The following AHSA1 variants were observed in gnomAD, a reference collection of about 807,000 sequenced individuals.
AHSA1 encodes activator of HSP90 ATPase activity 1.
A neutral mutation model predicts 46.1 loss-of-function variants in AHSA1; 14 were observed. That is an observed-to-expected ratio of 0.30 (90% CI 0.20 to 0.47). The LOEUF is 0.47. Ranked by LOEUF, AHSA1 falls within the 20% of genes least tolerant of loss-of-function variation. AHSA1 has a pLI of 0.99. For synonymous variants in AHSA1, 147 were observed against 145.8 expected, an observed-to-expected ratio of 1.01 and a Z score of -0.06; for missense variants, 333 against 415.9, an observed-to-expected ratio of 0.80 and a Z score of 1.73.
intron 8 of AHSA1, 104 bp downstream of exon 8, chr14:77,468,612 G>A (rs758281049): frequency 9.8e-7 from 1 of 1,019,940 alleles, no homozygotes; most frequent in African/African-American, 1.7e-5. Context: ...ACTCAGGCTA[G>A]AGTGCAGTGG....
At position 77,469,231 on chromosome 14, in the gene AHSA1, T is replaced by G. The variant is rs2079062962; in HGVS notation, c.999T>G (p.Tyr333Ter). Reference sequence around the variant, plus strand: ...AGGGCATTAAACAGACCTTTGGCTATGGCGCACGCTTATTTTAGGGCCAGC... The same window carrying G: ...AGGGCATTAAACAGACCTTTGGCTAGGGCGCACGCTTATTTTAGGGCCAGC... ...YFEGIKQTFG[Y>*]GARLF is the part of the protein sequence containing the mutation. Residue 333 changes from tyrosine to a stop codon, truncating the protein, a stop_gained, in exon 9 of 9, where the codon TAT becomes TAG. Transcript: ENST00000216479. LOFTEE classifies it high-confidence loss of function. The G allele has an allele frequency of 6.2e-7, 1 of 1,613,774 alleles. No individual in the cohort carries two copies. The highest frequency in any genetic ancestry group is 1.3e-5 in the African/African-American group (1 of 74,856).
At chr14:77,468,304 T>G in intron 7 of AHSA1, 120 bp downstream of exon 7, 1 of 1,121,798 alleles carries the variant, frequency 8.9e-7, no homozygotes, top group Non-Finnish European at 1.3e-6. Flanking sequence ...ATAAAACATT[T>G]TGTTTTTCAA....
intron 6 of AHSA1, 24 bp from the exon 7 acceptor site, chr14:77,468,051 CTTTTTTTT>C (rs34989956): frequency 1.8e-4 from 120 of 684,396 alleles, no homozygotes; most frequent in Middle Eastern, 8.7e-4. Context: ...TCTTCTGCCT[CTTTTTTTT>C]TTTTTTTTTT....
At position 77,469,442 on chromosome 14, in the gene AHSA1, C is replaced by T. The variant is rs1468293037; in HGVS notation, c.*193C>T. ...GAGGGCAATTTCTCTTTTATGTGTA[C>T]ATATGCTAAATAAACATAATTTAAA... On this transcript the variant is annotated 3_prime_UTR_variant, in exon 9 of 9. Transcript: ENST00000216479. 1 of 544,728 alleles carries T rather than the reference C, an allele frequency of 1.8e-6. No homozygotes were observed. The highest frequency in any genetic ancestry group is 3.4e-5 in the Admixed American group (1 of 29,246). The allele number at this position is 544,728 out of a possible 1,614,324, so 33.7% of individuals were successfully genotyped here.
Position 77,460,042 on chromosome 14 carries a change from T to C in AHSA1, c.271+236T>C, listed in dbSNP as rs567443633. ...CCCATCCATGAAGTGGCCGGGCCAC[T>C]GCATCTTTGGGCCTTGGTCTTTGTT... On this transcript the variant is annotated intron_variant, in intron 2 of 8. Coordinates refer to ENST00000216479, the MANE Select transcript of AHSA1 (RefSeq NM_012111.3). 63 of 539,676 alleles carry C rather than the reference T, an allele frequency of 1.2e-4. No individual in the cohort carries two copies. The East Asian group carries it at 1.8e-3, about 16-fold the overall frequency. 33.4% of individuals were successfully genotyped at this position (539,676 alleles called of 1,614,324 possible).
At chr14:77,458,069 C>T (rs2078993136), upstream of AHSA1, 12 of 810,836 alleles carry the variant, frequency 1.5e-5, no homozygotes, top group South Asian at 8.2e-5. Context: ...AAAAGCAAGC[C>T]AGGAGGTGCT....
At chr14:77,465,732 A>T (rs913270253) in intron 6 of AHSA1, 65 bp downstream of exon 6, 2 of 1,559,892 alleles carry the variant, frequency 1.3e-6, no homozygotes, top group African/African-American at 1.3e-5. Flanking sequence ...AGTTGGGGGC[A>T]TATCCCTTCA....
chr14:77,460,505 G>C (rs978785128), intron 2 of AHSA1, among the ~76,000 whole-genome samples: 4 of 109,854 alleles, frequency 3.6e-5, no homozygotes, highest in Non-Finnish European at 8.0e-5. Context: ...TTGTTAATTT[G>C]TTTTTAAAGT....
chr14:77,459,719 A>G lies in AHSA1; in HGVS notation c.184A>G (p.Ser62Gly), dbSNP rs2079013468. The G allele has an allele frequency of 6.2e-7, 1 of 1,614,228 alleles. No individual in the cohort carries two copies. ...EEGKCEVTEV[S>G]KLDGEASINN... ...AGGCAAGTGTGAGGTGACGGAAGTGAGTAAGCTTGATGGAGAGGCATCCAT... is the reference window on the plus strand; with the variant it reads ...AGGCAAGTGTGAGGTGACGGAAGTGGGTAAGCTTGATGGAGAGGCATCCAT... Residue 62 changes from serine (S) to glycine (G), a missense_variant, in exon 2 of 9, where the codon AGT (serine) becomes GGT (glycine). Physicochemically the swap from Ser to Gly is moderately conservative, Grantham distance 56. Coordinates refer to ENST00000216479, the MANE Select transcript of AHSA1 (RefSeq NM_012111.3).
intron 4 of AHSA1, among the ~76,000 whole-genome samples, chr14:77,463,275 A>G (rs940975946): frequency 6.6e-6 from 1 of 150,902 alleles, no homozygotes; most frequent in African/African-American, 2.4e-5. Context: ...AAAAAACACA[A>G]GAGATGTGCT....
chr14:77,467,655 C>T (rs2079053202), intron 6 of AHSA1, among the ~76,000 whole-genome samples: 1 of 152,198 alleles, frequency 6.6e-6, no homozygotes, highest in Non-Finnish European at 1.5e-5. Context: ...GATCGCGCCA[C>T]TGCACTCCAG....
intron 2 of AHSA1, among the ~76,000 whole-genome samples, chr14:77,460,437 C>A (rs369491794): frequency 9.1e-6 from 1 of 109,734 alleles, no homozygotes. Flanking sequence ...TAAACATTTC[C>A]GAAGTGAACA....
chr14:77,464,569 T>A, intron 4 of AHSA1, 29 bp from the exon 5 acceptor site: 1 of 1,590,560 alleles, frequency 6.3e-7, no homozygotes, highest in Non-Finnish European at 8.6e-7. Flanking sequence ...AAGAAGTAAC[T>A]TCCATGAGCT....
At chr14:77,465,466 C>A in intron 5 of AHSA1, 73 bp from the exon 6 acceptor site, 1 of 1,531,484 alleles carries the variant, frequency 6.5e-7, no homozygotes, top group Non-Finnish European at 8.9e-7. Flanking sequence ...AATGGTACAA[C>A]TGTCTCTGAA....
At chr14:77,466,048 G>T (rs2079046774) in intron 6 of AHSA1, among the ~76,000 whole-genome samples, 1 of 152,116 alleles carries the variant, frequency 6.6e-6, no homozygotes, top group Non-Finnish European at 1.5e-5. Context: ...GTAGAGATGG[G>T]CTGGTCTGAA....
chr14:77,458,056 G>T, upstream of AHSA1: 1 of 705,320 alleles, frequency 1.4e-6, no homozygotes, highest in Non-Finnish European at 2.2e-6. Flanking sequence ...AGGGGGTGGA[G>T]GGAAAAGCAA....
intron 2 of AHSA1, among the ~76,000 whole-genome samples, chr14:77,461,025 G>T (rs982747415): frequency 1.3e-5 from 2 of 151,950 alleles, no homozygotes; most frequent in Non-Finnish European, 2.9e-5. Context: ...CCGGCGTGGT[G>T]GCATGTGCCT....
At chr14:77,468,736 T>TTTTTTTTTTTTTTTTTTTTTTTTC in intron 8 of AHSA1, 1 of 497,574 alleles carries the variant, frequency 2.0e-6, no homozygotes, top group Non-Finnish European at 3.5e-6. Flanking sequence ...TTTTTTTTTT[T>TTTTTTTTTTTTTTTTTTTTTTTTC]TTTTTTTTTA....
Position 77,468,192 on chromosome 14 carries a change from C to G in AHSA1, c.792+8C>G, listed in dbSNP as rs1434848044. 2.6e-6 allele frequency: 4 copies of G among 1,533,760 alleles called. No homozygotes were observed. In the Admixed American group the frequency reaches 8.0e-5, roughly 31 times the overall value. Reference sequence around the variant, plus strand: ...GGGGAATTTACTGATCTGGTGAGTACCTGCCGGCCCTAGACTCAGGTTATT... The same window carrying G: ...GGGGAATTTACTGATCTGGTGAGTAGCTGCCGGCCCTAGACTCAGGTTATT... On this transcript the variant is annotated splice_region_variant and intron_variant, in intron 7 of 8. Transcript: ENST00000216479.
Sources: gnomAD v4.1 joint callset for allele counts (sites outside exome capture counted in the v4.1 genomes callset) on GRCh38, gnomAD v4.1.1 for gene constraint, MANE v1.5 for transcripts, NCBI Gene and HGNC (gene_info 2026-07-23, HGNC 2026-07-21) for gene names.